Variants in CCDC88C observed in about 807,000 individuals in gnomAD.
CCDC88C encodes the protein protein Daple.
Under a neutral mutation model 198.8 loss-of-function variants are expected in CCDC88C, and 131 were observed. That is an observed-to-expected ratio of 0.66 (90% CI 0.57 to 0.76). The LOEUF is 0.76. Among genes scored for constraint, CCDC88C ranks in the 30% least tolerant of loss-of-function variants. The probability of loss-of-function intolerance (pLI) is 0.00; values close to 1 mark genes in which losing one functional copy is unlikely to be tolerated. For missense variants in CCDC88C, 2,553 were observed against 2,631.6 expected (o/e 0.97, Z 0.65); for synonymous variants, 1,166 against 1,114.7 (o/e 1.05, Z -0.92).
intron 19 of CCDC88C, among the ~76,000 whole-genome samples, chr14:91,305,202 C>T (rs1891508791): frequency 6.6e-6 from 1 of 152,176 alleles, no homozygotes; most frequent in Non-Finnish European, 1.5e-5. Flanking sequence ...CATCTCAAAA[C>T]AAACAAACAA....
At chr14:91,317,970 G>C (rs1892180115) in intron 13 of CCDC88C, among the ~76,000 whole-genome samples, 2 of 152,258 alleles carry the variant, frequency 1.3e-5, no homozygotes, top group Non-Finnish European at 2.9e-5. Context: ...CACTAGGCCA[G>C]AGAGATAATA....
chr14:91,278,240 C>T, intron 28 of CCDC88C, 29 bp from the exon 29 acceptor site: 2 of 1,563,462 alleles, frequency 1.3e-6, no homozygotes, highest in Non-Finnish European at 1.7e-6. Flanking sequence ...GACAGAGGAC[C>T]CTCATCAGTC....
chr14:91,326,804 G>T (rs1331649310), intron 10 of CCDC88C, among the ~76,000 whole-genome samples: 1 of 152,200 alleles, frequency 6.6e-6, no homozygotes, highest in African/African-American at 2.4e-5. Context: ...TCAATACACT[G>T]CTCCTATCTG....
chr14:91,345,190 A>ATATATTTTTTTTTTT (rs1246878587), intron 4 of CCDC88C, among the ~76,000 whole-genome samples: 8 of 52,200 alleles, frequency 1.5e-4, no homozygotes, highest in South Asian at 7.2e-4. Context: ...ATATATATAT[A>ATATATTTTTTTTTTT]TTTTTTTTTT....
chr14:91,280,470 TAAAC>T (rs957020970), intron 27 of CCDC88C, among the ~76,000 whole-genome samples: 1 of 152,112 alleles, frequency 6.6e-6, no homozygotes, highest in African/African-American at 2.4e-5. Context: ...AAATGTGAAA[TAAAC>T]AAATGCACAT....
chr14:91,281,203 GA>G, intron 27 of CCDC88C: 1 of 887,730 alleles, frequency 1.1e-6, no homozygotes, highest in Non-Finnish European at 1.7e-6. Context: ...AAGGGTGCTT[GA>G]AGGCATGAAG....
Position 91,273,044 on chromosome 14 carries a change from G to C in CCDC88C, c.5668C>G (p.Pro1890Ala), listed in dbSNP as rs766949856. The change falls in exon 30 of 30, where the codon CCC (proline) becomes GCC (alanine). Residue 1890 changes from proline (P) to alanine (A), a missense_variant. Physicochemically the swap from Pro to Ala is conservative, Grantham distance 27. Coordinates refer to ENST00000389857, the MANE Select transcript of CCDC88C (RefSeq NM_001080414.4). The surrounding 1 kb of genome is among the most constrained non-coding windows in gnomAD (Gnocchi z 5.6). ...GGGGCCAGCCTCTCCTCCTTTGGGG[G>C]AGCCAGGGAGAAGCGCCTCGTGTCC... ...PLDTRRFSLA[P>A]PKEERLAPLH... The C allele has an allele frequency of 1.9e-6, 3 of 1,554,954 alleles. No homozygotes were observed. The South Asian group carries it at 3.5e-5, about 18-fold the overall frequency.
chr14:91,402,930 A>G (rs1003191745), intron 3 of CCDC88C, among the ~76,000 whole-genome samples: 1 of 152,224 alleles, frequency 6.6e-6, no homozygotes, highest in Admixed American at 6.5e-5. Flanking sequence ...CCTTGTGCCC[A>G]TGCTAGAGGC....
intron 3 of CCDC88C, among the ~76,000 whole-genome samples, chr14:91,361,688 G>C (rs947382700): frequency 2.6e-5 from 4 of 152,278 alleles, no homozygotes; most frequent in Middle Eastern, 3.4e-3. Context: ...GTAAATATCT[G>C]TACGTGTTGG....
rs756819882 is a variant in CCDC88C, at chr14:91,408,658, C to T, written c.270+1G>A. ...ATTCCCGACAGCAGAACTGCCCTTA[C>T]CTGGTAGTAGGTCTTAATGTTTCTC... On this transcript the variant is annotated splice_donor_variant, in intron 3 of 29. Transcript: ENST00000389857. LOFTEE classifies it high-confidence loss of function. The T allele has an allele frequency of 6.3e-7, 1 of 1,584,298 alleles. No homozygotes were observed. The highest frequency in any genetic ancestry group is 1.1e-5 in the South Asian group (1 of 90,438).
At chr14:91,370,738 C>T (rs1016726816) in intron 3 of CCDC88C, among the ~76,000 whole-genome samples, 1 of 152,138 alleles carries the variant, frequency 6.6e-6, no homozygotes, top group African/African-American at 2.4e-5. Context: ...GAGGGGAAGG[C>T]GGGTCAGTAG....
At chr14:91,416,970 T>C in intron 1 of CCDC88C, 132 bp from the exon 2 acceptor site, 1 of 694,962 alleles carries the variant, frequency 1.4e-6, no homozygotes, top group Non-Finnish European at 2.6e-6. Flanking sequence ...ACACCACCCT[T>C]CAGCAGGCAC....
chr14:91,294,732 G>T (rs1319736233), intron 22 of CCDC88C, among the ~76,000 whole-genome samples: 1 of 152,194 alleles, frequency 6.6e-6, no homozygotes, highest in East Asian at 1.9e-4. Flanking sequence ...TCGGCTCACT[G>T]CAACCTCCGC....
chr14:91,356,754 T>G (rs1256082813), intron 4 of CCDC88C, among the ~76,000 whole-genome samples: 1 of 152,042 alleles, frequency 6.6e-6, no homozygotes, highest in Non-Finnish European at 1.5e-5. Flanking sequence ...GCAGCAGACC[T>G]GAGATGCGGA....
chr14:91,361,554 TACTCTACTCCTGAACAC>T (rs1307701563), intron 3 of CCDC88C, among the ~76,000 whole-genome samples: 1 of 152,180 alleles, frequency 6.6e-6, no homozygotes, highest in Admixed American at 6.5e-5. Context: ...CCGTGAGGTG[TACTCTACTCCTGAACAC>T]ACCAACCCCC....
chr14:91,413,437 G>T (rs1211692565), intron 2 of CCDC88C, among the ~76,000 whole-genome samples: 2 of 152,294 alleles, frequency 1.3e-5, no homozygotes, highest in Admixed American at 1.3e-4. Context: ...TTGTCTGCCT[G>T]ATGCTAGGGT....
intron 2 of CCDC88C, 40 bp downstream of exon 2, chr14:91,416,698 C>G: frequency 7.0e-7 from 1 of 1,428,494 alleles, no homozygotes; most frequent in Non-Finnish European, 9.8e-7. Context: ...AACTTTCTAA[C>G]GCACCATTCT....
intron 3 of CCDC88C, among the ~76,000 whole-genome samples, chr14:91,363,735 G>A (rs952102059): frequency 3.3e-5 from 5 of 152,226 alleles, no homozygotes; most frequent in Admixed American, 2.0e-4. Flanking sequence ...GTCACACTGC[G>A]GTATCTCCAG....
chr14:91,299,829 T>C (rs2139771800), intron 21 of CCDC88C, 98 bp downstream of exon 21: 2 of 1,391,928 alleles, frequency 1.4e-6, no homozygotes, highest in South Asian at 3.2e-5. Context: ...AAATCCACGA[T>C]CGCCAGGGGA....
Sources: gnomAD v4.1 joint callset for allele counts (sites outside exome capture counted in the v4.1 genomes callset) on GRCh38, gnomAD v4.1.1 for gene constraint, Gnocchi (gnomAD v3.1) non-coding constraint, MANE v1.5 for transcripts, NCBI Gene and HGNC (gene_info 2026-07-23, HGNC 2026-07-21) for gene names.